The following SLC14A2 variants were observed in gnomAD, a reference collection of about 807,000 sequenced individuals.
The protein encoded by SLC14A2 is urea transporter 2.
In SLC14A2, 91 loss-of-function variants were observed where a neutral mutation model predicts 104.6. The observed-to-expected ratio is 0.87, with a 90% CI of 0.73 to 1.04. The LOEUF (loss-of-function observed/expected upper bound fraction) is 1.04. Ranked by LOEUF, SLC14A2 falls within the 50% of genes least tolerant of loss-of-function variation. The pLI, the probability that SLC14A2 is intolerant of heterozygous loss-of-function variation, is 0.00. For synonymous variants in SLC14A2, 476 were observed against 466.4 expected, an observed-to-expected ratio of 1.02 and a Z score of -0.27; for missense variants, 1,189 against 1,156.0, an observed-to-expected ratio of 1.03 and a Z score of -0.41.
chr18:45,432,324 G>T (rs1055042691), intron 1 of SLC14A2, among the ~76,000 whole-genome samples: 1 of 152,146 alleles, frequency 6.6e-6, no homozygotes, highest in African/African-American at 2.4e-5. Flanking sequence ...ACCGAATAAA[G>T]CTTCTGGTAT....
intron 1 of SLC14A2, among the ~76,000 whole-genome samples, chr18:45,470,825 C>T (rs1257203901): frequency 2.6e-5 from 4 of 152,064 alleles, no homozygotes; most frequent in Non-Finnish European, 5.9e-5. Flanking sequence ...TTTTAATAAA[C>T]ATTTCCTTCT....
rs1415940834 is a variant in SLC14A2 at position 45,667,837 on chromosome 18, G to C, written c.1722G>C (p.Lys574Asn). 8 of 1,613,998 alleles carry C rather than the reference G, an allele frequency of 5.0e-6. No homozygotes were observed. Among genetic ancestry groups the C allele is most frequent in the Non-Finnish European group, 6.8e-6 (8 of 1,179,888 alleles). The change falls in exon 14 of 20, where the codon AAG becomes AAC. Residue 574 changes from lysine to asparagine, a missense_variant. Transcript: ENST00000255226. Reference sequence around the variant, plus strand: ...CCTGCCCCGGTTCCATTTCAGACAAGTCCCCAGTGTTCCAGTTCTTTGACT... The same window carrying C: ...CCTGCCCCGGTTCCATTTCAGACAACTCCCCAGTGTTCCAGTTCTTTGACT... ...MKECGEGLKD[K>N]SPVFQFFDWV...
At chr18:45,371,934 A>C (rs1475138176) in intron 1 of SLC14A2, among the ~76,000 whole-genome samples, 2 of 152,202 alleles carry the variant, frequency 1.3e-5, no homozygotes, top group African/African-American at 4.8e-5. Context: ...GTGTTCTTGA[A>C]AATAATTGGG....
chr18:45,335,705 C>G (rs1023789038), intron 1 of SLC14A2, among the ~76,000 whole-genome samples: 1 of 152,142 alleles, frequency 6.6e-6, no homozygotes, highest in African/African-American at 2.4e-5. Flanking sequence ...AAGGAAGTCA[C>G]CCTAAGAAAC....
At chr18:45,172,637 C>T in the SLC14A2 span, among the ~76,000 whole-genome samples, 2 of 152,060 alleles carry the variant, frequency 1.3e-5, no homozygotes, top group East Asian at 1.9e-4. Context: ...ATTGTCTAGT[C>T]TTCTGTCTTT....
At chr18:45,555,695 G>A (rs1194621514) in intron 2 of SLC14A2, among the ~76,000 whole-genome samples, 2 of 152,210 alleles carry the variant, frequency 1.3e-5, no homozygotes, top group Admixed American at 1.3e-4. Flanking sequence ...CACTCTGAGT[G>A]GATGTATTTG....
At chr18:45,391,537 C>A in intron 1 of SLC14A2, among the ~76,000 whole-genome samples, 1 of 152,144 alleles carries the variant, frequency 6.6e-6, no homozygotes, top group Non-Finnish European at 1.5e-5. Flanking sequence ...TTTACAGTCC[C>A]ACCAACAGTG....
intron 1 of SLC14A2, among the ~76,000 whole-genome samples, chr18:45,303,247 G>C (rs762473964): frequency 1.3e-5 from 2 of 152,150 alleles, no homozygotes; most frequent in Admixed American, 1.3e-4. Flanking sequence ...TTACCAGCTG[G>C]CGTTTGCCTT....
intron 10 of SLC14A2, among the ~76,000 whole-genome samples, chr18:45,661,598 T>A (rs992311448): frequency 6.6e-6 from 1 of 152,182 alleles, no homozygotes; most frequent in Admixed American, 6.5e-5. Context: ...ACTGTGATCT[T>A]GAAACTCCCA....
chr18:45,564,610 CA>C (rs1325744946), intron 2 of SLC14A2, among the ~76,000 whole-genome samples: 1 of 152,174 alleles, frequency 6.6e-6, no homozygotes, highest in Non-Finnish European at 1.5e-5. Context: ...CAATGCCCCC[CA>C]AAATGAGGAA....
At chr18:45,568,439 G>A (rs1022584735) in intron 2 of SLC14A2, among the ~76,000 whole-genome samples, 2 of 152,328 alleles carry the variant, frequency 1.3e-5, no homozygotes, top group East Asian at 1.9e-4. Context: ...GGCTAAATGT[G>A]TTATGGTCCC....
At chr18:45,392,014 A>T (rs769170691) in intron 1 of SLC14A2, among the ~76,000 whole-genome samples, 31 of 152,158 alleles carry the variant, frequency 2.0e-4, no homozygotes, top group Non-Finnish European at 1.0e-4. Context: ...GCCTATGTCC[A>T]GAGACACTCA....
At chr18:45,622,539 G>A (rs2045190178) in intron 1 of SLC14A2, among the ~76,000 whole-genome samples, 2 of 152,186 alleles carry the variant, frequency 1.3e-5, no homozygotes, top group African/African-American at 4.8e-5. Context: ...GTCATCGGCA[G>A]GGAGATGGAA....
intron 1 of SLC14A2, among the ~76,000 whole-genome samples, chr18:45,388,328 C>A (rs1418710329): frequency 2.0e-5 from 3 of 152,046 alleles, no homozygotes; most frequent in Non-Finnish European, 4.4e-5. Context: ...TCCCAAAGTG[C>A]TGGGATTACA....
chr18:45,400,555 C>T (rs2086084936), intron 1 of SLC14A2, among the ~76,000 whole-genome samples: 1 of 152,188 alleles, frequency 6.6e-6, no homozygotes, highest in Non-Finnish European at 1.5e-5. Context: ...AGTTAATTTT[C>T]CCCTTTGCAC....
chr18:45,381,028 T>C (rs940358389), intron 1 of SLC14A2, among the ~76,000 whole-genome samples: 6 of 152,188 alleles, frequency 3.9e-5, no homozygotes, highest in African/African-American at 1.4e-4. Context: ...TTTCTTGAAT[T>C]TTCCTGGGCA....
intron 1 of SLC14A2, among the ~76,000 whole-genome samples, chr18:45,469,668 C>T (rs948143975): frequency 3.9e-5 from 6 of 152,112 alleles, no homozygotes; most frequent in Non-Finnish European, 7.4e-5. Flanking sequence ...GAAGGCTCCC[C>T]AGAGGAAGTG....
intron 1 of SLC14A2, among the ~76,000 whole-genome samples, chr18:45,474,502 G>A (rs377568604): frequency 1.2e-4 from 19 of 152,234 alleles, no homozygotes; most frequent in Non-Finnish European, 2.1e-4. Flanking sequence ...GAATCCATCC[G>A]GTCCTGGGCT....
intron 1 of SLC14A2, among the ~76,000 whole-genome samples, chr18:45,320,178 C>G (rs1215010032): frequency 6.6e-6 from 1 of 152,258 alleles, no homozygotes; most frequent in East Asian, 1.9e-4. Context: ...TATTCATGTG[C>G]TTTATCTCTT....
Sources: allele counts gnomAD v4.1 joint callset (sites outside exome capture counted in the v4.1 genomes callset), GRCh38; gene constraint gnomAD v4.1.1; transcripts MANE v1.5; gene names NCBI Gene and HGNC (gene_info 2026-07-23, HGNC 2026-07-21).